ZNF175: variants seen among roughly 807,000 people sequenced by gnomAD.
The protein encoded by ZNF175 is zinc finger protein 175.
Under a neutral mutation model 14.0 loss-of-function variants are expected in ZNF175, and 8 were observed. That is an observed-to-expected ratio of 0.57 (90% confidence interval 0.34 to 1.03). The LOEUF (loss-of-function observed/expected upper bound fraction) is 1.03, where lower values mean the gene tolerates loss of function less well. Among genes scored for constraint, ZNF175 ranks in the 50% least tolerant of loss-of-function variants. The probability of loss-of-function intolerance (pLI) is 0.03; values close to 1 mark genes in which losing one functional copy is unlikely to be tolerated. For synonymous variants in ZNF175, 255 were observed against 296.8 expected, an observed-to-expected ratio of 0.86 and a Z score of 1.45; for missense variants, 764 against 849.5, an observed-to-expected ratio of 0.90 and a Z score of 1.25.
chr19:51,580,151 G>T (rs917695350), intron 2 of ZNF175, among the ~76,000 whole-genome samples: 2 of 152,134 alleles, frequency 1.3e-5, no homozygotes, highest in Non-Finnish European at 1.5e-5. Context: ...CACATTCACG[G>T]TTCATGTTTT....
chr19:51,575,549 C>T lies in ZNF175; in HGVS notation c.72+2148C>T, dbSNP rs564979706. On this transcript the variant is annotated intron_variant, in intron 2 of 4. Coordinates refer to ENST00000262259, the MANE Select transcript of ZNF175 (RefSeq NM_007147.4). ...TTGTAAATACTTTTTGTTACTTTTT[C>T]CTTTGAAAGTAGGTTTTAGTTTTGT... Among the ~76,000 whole-genome samples, 9 of 152,050 alleles carry T rather than the reference C, an allele frequency of 5.9e-5. No individual in the cohort carries two copies. In the South Asian group the frequency reaches 1.5e-3, roughly 25 times the overall value.
rs1982289671 is a variant in ZNF175, at chr19:51,589,563, C to A, written c.*1096C>A. ...CTTCTTTTAGGATTAGCTCAGCTTG[C>A]CCCCCCTTTCCATCTCCACCATCTA... On this transcript the variant is annotated 3_prime_UTR_variant, in exon 5 of 5. Coordinates refer to ENST00000262259, the MANE Select transcript of ZNF175 (RefSeq NM_007147.4). 1.4e-6 allele frequency: 1 copy of A among 701,980 alleles called. No homozygotes were observed. Among genetic ancestry groups the A allele is most frequent in the East Asian group, 2.7e-5 (1 of 37,292 alleles). The allele number at this position is 701,980 out of a possible 1,614,324, so 43.5% of individuals were successfully genotyped here.
intron 2 of ZNF175, among the ~76,000 whole-genome samples, chr19:51,578,159 G>C (rs905528983): frequency 6.6e-6 from 1 of 151,930 alleles, no homozygotes; most frequent in African/African-American, 2.4e-5. Context: ...AGCACTTTGG[G>C]AGGCCGAGGC....
rs117978962 is a variant in ZNF175 at position 51,587,688 on chromosome 19, G to A, written c.1357G>A (p.Gly453Arg). ...GQKSYVCIEC[G>R]QAFIQKAHLI... Reference sequence around the variant, plus strand: ...GAAGTCCTATGTGTGTATCGAATGCGGGCAGGCCTTCATCCAGAAGGCACA... The same window carrying A: ...GAAGTCCTATGTGTGTATCGAATGCAGGCAGGCCTTCATCCAGAAGGCACA... Residue 453 changes from glycine to arginine, a missense_variant, in exon 5 of 5, where the codon GGG (glycine) becomes AGG (arginine). Physicochemically the swap from Gly to Arg is moderately radical, Grantham distance 125. Transcript: ENST00000262259. The A allele has an allele frequency of 4.7e-4, 758 of 1,614,014 alleles. 5 individuals are homozygous for A. In the East Asian group the frequency reaches 0.014, roughly 30 times the overall value.
chr19:51,592,421 C>T lies in ZNF175; in HGVS notation c.*3954C>T. On this transcript the variant is annotated 3_prime_UTR_variant, in exon 5 of 5. Transcript: ENST00000262259. ...CAAGCATTAGAATGGTGGCTGTCCA[C>T]CATGAGTACAACACAAATGCTCGTT... 11 of 494,982 alleles carry T rather than the reference C, an allele frequency of 2.2e-5. No individual in the cohort carries two copies. Among genetic ancestry groups the T allele is most frequent in the Admixed American group, 7.6e-5 (2 of 26,488 alleles). 30.7% of individuals were successfully genotyped at this position (494,982 alleles called of 1,614,324 possible). A position where few individuals can be genotyped will look rare whatever the true frequency, so the allele number is the denominator to read the frequency against.
At position 51,588,531 on chromosome 19, in the gene ZNF175, TCTTCTC is replaced by T; in HGVS notation, c.*65_*70del. 2.0e-6 allele frequency: 3 copies of T among 1,480,314 alleles called. No individual in the cohort carries two copies. The highest frequency in any genetic ancestry group is 2.7e-6 in the Non-Finnish European group (3 of 1,119,218). 91.7% of individuals were successfully genotyped at this position (1,480,314 alleles called of 1,614,324 possible). On this transcript the variant is annotated 3_prime_UTR_variant, in exon 5 of 5. Coordinates refer to ENST00000262259, the MANE Select transcript of ZNF175 (RefSeq NM_007147.4). ...TCCGAGTTTCTTGAAGAAGAGAAAATCTTCTCAGAATCAGGTCTAATTATATGTTAT... is the reference window on the plus strand; with the variant it reads ...TCCGAGTTTCTTGAAGAAGAGAAAATAGAATCAGGTCTAATTATATGTTAT...
chr19:51,584,168 T>A (rs1250945365), intron 4 of ZNF175, among the ~76,000 whole-genome samples: 4 of 152,190 alleles, frequency 2.6e-5, no homozygotes, highest in Admixed American at 2.0e-4. Flanking sequence ...ACTCAAAAAG[T>A]AAGTGTATCA....
At chr19:51,573,075 T>G in intron 1 of ZNF175, 75 bp from the exon 2 acceptor site, 1 of 478,490 alleles carries the variant, frequency 2.1e-6, no homozygotes, top group East Asian at 4.0e-5. Context: ...CACAGTGACT[T>G]CACCTCAGTG....
chr19:51,586,591 C>G, intron 4 of ZNF175, 36 bp from the exon 5 acceptor site: 1 of 1,540,494 alleles, frequency 6.5e-7, no homozygotes, highest in Non-Finnish European at 8.7e-7. Flanking sequence ...CTTTCTTGTT[C>G]ATTGTGTCTA....
Position 51,589,847 on chromosome 19 carries a change from T to C in ZNF175, c.*1380T>C, listed in dbSNP as rs1200987306. The C allele has an allele frequency of 1.9e-6, 1 of 522,176 alleles. No homozygotes were observed. Among genetic ancestry groups the C allele is most frequent in the East Asian group, 3.0e-5 (1 of 33,466 alleles). 32.3% of individuals were successfully genotyped at this position (522,176 alleles called of 1,614,324 possible). ...CTGAAAATATCTACTCTCTGGCTCT[T>C]TACAGAAAATGTTTGCCAGCACATG... On this transcript the variant is annotated 3_prime_UTR_variant, in exon 5 of 5. Coordinates refer to ENST00000262259, the MANE Select transcript of ZNF175 (RefSeq NM_007147.4).
At chr19:51,577,571 TA>T (rs1296726094) in intron 2 of ZNF175, among the ~76,000 whole-genome samples, 1 of 152,166 alleles carries the variant, frequency 6.6e-6, no homozygotes, top group South Asian at 2.1e-4. Flanking sequence ...TGAGATATTT[TA>T]AAATGTAATT....
Position 51,571,390 on chromosome 19 carries a change from G to A in ZNF175, c.-266G>A, listed in dbSNP as rs1981578880. On this transcript the variant is annotated 5_prime_UTR_variant, in exon 1 of 5. Transcript: ENST00000262259. The stretch of plus-strand genomic sequence containing the variant: ...GGGTTCTGTAGGGTCAGGAAGGGGC[G>A]GCTGGCTTTGGGGGAGTGATGAGGG... 1 of 151,792 alleles carries A rather than the reference G, an allele frequency of 6.6e-6. No individual in the cohort carries two copies. The highest frequency in any genetic ancestry group is 1.5e-5 in the Non-Finnish European group (1 of 68,000). The allele number at this position is 151,792 out of a possible 1,614,324, so 9.4% of individuals were successfully genotyped here. A position where few individuals can be genotyped will look rare whatever the true frequency, so the allele number is the denominator to read the frequency against.
chr19:51,587,894 C>A lies in ZNF175; in HGVS notation c.1563C>A (p.His521Gln). 3 of 1,613,988 alleles carry A rather than the reference C, an allele frequency of 1.9e-6. No individual in the cohort carries two copies. The highest frequency in any genetic ancestry group is 2.5e-6 in the Non-Finnish European group (3 of 1,179,980). The change falls in exon 5 of 5, where the codon CAC (histidine) becomes CAA (glutamine). Residue 521 changes from histidine to glutamine, a missense_variant. Coordinates refer to ENST00000262259, the MANE Select transcript of ZNF175 (RefSeq NM_007147.4). ...CCCAAAAGTCACACCTGAATATACA[C>A]CAGAAAATTCATACTGGAGAAAGAC... ...TFTQKSHLNI[H>Q]QKIHTGERHH...
intron 4 of ZNF175, among the ~76,000 whole-genome samples, chr19:51,585,179 G>A (rs551818696): frequency 4.6e-5 from 7 of 152,300 alleles, no homozygotes; most frequent in South Asian, 2.1e-4. Context: ...GTTGCAGTGC[G>A]GATGAATCTT....
Position 51,586,887 on chromosome 19 carries a change from C to A in ZNF175, c.556C>A (p.Pro186Thr). The change falls in exon 5 of 5, where the codon CCC becomes ACC. Residue 186 changes from proline to threonine, a missense_variant. Coordinates refer to ENST00000262259, the MANE Select transcript of ZNF175 (RefSeq NM_007147.4). ...KDPGKMIRTRPHLASSQKQPQ... is the reference protein window; with the variant it reads ...KDPGKMIRTRTHLASSQKQPQ... ...CCCTGGGAAAATGATTCGCACGAGG[C>A]CCCACCTTGCTTCTTCACAGAAACA... is the stretch of plus-strand genomic sequence containing the variant. The A allele has an allele frequency of 6.2e-7, 1 of 1,614,114 alleles. No homozygotes were observed. Among genetic ancestry groups the A allele is most frequent in the Non-Finnish European group, 8.5e-7 (1 of 1,180,018 alleles).
rs1982235372 is a variant in ZNF175, at chr19:51,588,140, TAAACATC to T, written c.1813_1819del (p.His605Ter). ...CCTTCAACGGCAGGTCAAATTTCCATAAACATCAAATAACTCACACTAGAGAGAGGCC... is the reference window on the plus strand; with the variant it reads ...CCTTCAACGGCAGGTCAAATTTCCATAAATAACTCACACTAGAGAGAGGCC... On this transcript the variant is annotated frameshift_variant, in exon 5 of 5. Transcript: ENST00000262259. LOFTEE classifies it low-confidence loss of function (END_TRUNC). 1 of 1,614,144 alleles carries T rather than the reference TAAACATC, an allele frequency of 6.2e-7. No individual in the cohort carries two copies. The highest frequency in any genetic ancestry group is 1.3e-5 in the African/African-American group (1 of 75,020).
intron 4 of ZNF175, among the ~76,000 whole-genome samples, chr19:51,583,883 T>A (rs1982089449): frequency 6.6e-6 from 1 of 152,242 alleles, no homozygotes; most frequent in South Asian, 2.1e-4. Flanking sequence ...GATTACTTTG[T>A]ACTTTCTTAA....
At chr19:51,574,780 C>T (rs1981716997) in intron 2 of ZNF175, among the ~76,000 whole-genome samples, 1 of 152,244 alleles carries the variant, frequency 6.6e-6, no homozygotes, top group Admixed American at 6.5e-5. Flanking sequence ...GTGTTCAGAA[C>T]ATCTTCAAGT....
chr19:51,581,432 G>A lies in ZNF175; in HGVS notation c.114G>A (p.Arg38=), dbSNP rs1297743042. The A allele has an allele frequency of 6.2e-7, 1 of 1,614,020 alleles. No homozygotes were observed. The highest frequency in any genetic ancestry group is 1.3e-5 in the African/African-American group (1 of 74,910). The change falls in exon 3 of 5, where the codon AGG becomes AGA. Residue 38 remains arginine (R), a synonymous_variant. Coordinates refer to ENST00000262259, the MANE Select transcript of ZNF175 (RefSeq NM_007147.4). Reference sequence around the variant, plus strand: ...AGGACGTGACCGTGGACTTCAGCAGGGAGGAGTGGCAGCAACTGGACCCTG... The same window carrying A: ...AGGACGTGACCGTGGACTTCAGCAGAGAGGAGTGGCAGCAACTGGACCCTG... ...SFEDVTVDFS[R]EEWQQLDPAQ... is the part of the protein sequence containing the mutation.
Sources: allele counts gnomAD v4.1 joint callset (sites outside exome capture counted in the v4.1 genomes callset), GRCh38; gene constraint gnomAD v4.1.1; transcripts MANE v1.5; gene names NCBI Gene and HGNC (gene_info 2026-07-23, HGNC 2026-07-21).